The following ZNF536 variants were observed in gnomAD, a reference collection of about 807,000 sequenced individuals.
The protein encoded by ZNF536 is zinc finger protein 536.
In ZNF536, 13 loss-of-function variants were observed where a neutral mutation model predicts 84.5. The observed-to-expected ratio is 0.15, with a 90% CI of 0.10 to 0.24. The LOEUF (loss-of-function observed/expected upper bound fraction) is 0.24, where lower values mean the gene tolerates loss of function less well. Among genes scored for constraint, ZNF536 ranks in the 10% least tolerant of loss-of-function variants. The pLI, the probability that ZNF536 is intolerant of heterozygous loss-of-function variation, is 1.00. For synonymous variants in ZNF536, 811 were observed against 742.5 expected, an observed-to-expected ratio of 1.09 and a Z score of -1.50; for missense variants, 1,536 against 1,747.5, an observed-to-expected ratio of 0.88 and a Z score of 2.16.
At chr19:30,541,198 G>T (rs2045316735) in intron 3 of ZNF536, among the ~76,000 whole-genome samples, 1 of 152,188 alleles carries the variant, frequency 6.6e-6, no homozygotes, top group African/African-American at 2.4e-5. Context: ...GTGCCTTATG[G>T]CTGGTGTCTA....
chr19:30,700,146 C>T (rs1282539908), intron 1 of ZNF536, among the ~76,000 whole-genome samples: 1 of 85,528 alleles, frequency 1.2e-5, no homozygotes, highest in Non-Finnish European at 2.8e-5. Context: ...CCCTTCCTTC[C>T]CTTCTTTCCT....
chr19:30,266,725 C>T (rs927707955), intron 1 of ZNF536, among the ~76,000 whole-genome samples: 3 of 152,208 alleles, frequency 2.0e-5, no homozygotes, highest in Admixed American at 6.5e-5. Flanking sequence ...ATACTCCCAA[C>T]TGTGCCTTTG....
At chr19:30,295,453 T>C (rs755746673) in intron 2 of ZNF536, among the ~76,000 whole-genome samples, 12 of 152,138 alleles carry the variant, frequency 7.9e-5, no homozygotes, top group Non-Finnish European at 1.5e-4. Flanking sequence ...AAAAACAACA[T>C]TGGGCCCCAA....
chr19:30,397,075 G>A (rs1036244087), intron 1 of ZNF536, among the ~76,000 whole-genome samples: 12 of 152,292 alleles, frequency 7.9e-5, no homozygotes, highest in African/African-American at 2.9e-4. Flanking sequence ...ATACTTGTTA[G>A]AACTTGTTAC....
At chr19:30,362,267 T>C (rs577970909) in intron 3 of ZNF536, among the ~76,000 whole-genome samples, 10 of 152,134 alleles carry the variant, frequency 6.6e-5, no homozygotes, top group Non-Finnish European at 1.5e-4. Context: ...AGAGGTGTGC[T>C]AGTCCTCCAG....
At chr19:30,343,072 C>A (rs144599256) in intron 2 of ZNF536, among the ~76,000 whole-genome samples, 184 of 152,244 alleles carry the variant, frequency 1.2e-3, no homozygotes, top group African/African-American at 3.9e-3. Context: ...TTGTCTCCCC[C>A]ACCCTCGGCC....
At chr19:30,467,600 C>T (rs1243199940) in intron 2 of ZNF536, among the ~76,000 whole-genome samples, 1 of 152,150 alleles carries the variant, frequency 6.6e-6, no homozygotes, top group Non-Finnish European at 1.5e-5. Flanking sequence ...TGCCTCCCTT[C>T]CCCTGCACAA....
rs141464596 is a variant in ZNF536, at chr19:30,320,443, C to T, written c.-119-31925C>T. On this transcript the variant is annotated intron_variant, in intron 2 of 5. Transcript: ENST00000585628. ...AGTCTTTCTCAGAGAAACCATGTAA[C>T]GCACTTTCTTTGAGCAAATTAGACT... 1.0e-3 allele frequency among the ~76,000 whole-genome samples: 158 copies of T among 152,264 alleles called. 2 individuals carry two copies. The East Asian group carries it at 0.019, about 19-fold the overall frequency.
intron 1 of ZNF536, among the ~76,000 whole-genome samples, chr19:30,636,706 A>G (rs1257217813): frequency 6.6e-6 from 1 of 152,138 alleles, no homozygotes; most frequent in African/African-American, 2.4e-5. Context: ...AAAGAACCTC[A>G]TTTTGGTCAT....
intron 2 of ZNF536, among the ~76,000 whole-genome samples, chr19:30,299,238 A>G (rs1022021514): frequency 1.3e-5 from 2 of 152,250 alleles, no homozygotes; most frequent in Non-Finnish European, 2.9e-5. Flanking sequence ...TTAAATGGCA[A>G]CAGCTCATTT....
intron 1 of ZNF536, among the ~76,000 whole-genome samples, chr19:30,601,940 G>A (rs1191010566): frequency 6.6e-6 from 1 of 152,174 alleles, no homozygotes; most frequent in East Asian, 1.9e-4. Context: ...TCATGCCTTT[G>A]CCATGTGGCT....
chr19:30,430,778 G>A (rs1051755379), intron 1 of ZNF536, among the ~76,000 whole-genome samples: 7 of 152,138 alleles, frequency 4.6e-5, no homozygotes, highest in African/African-American at 7.2e-5. Context: ...CAGTTCAAGC[G>A]ATTCTCCTGC....
intron 1 of ZNF536, among the ~76,000 whole-genome samples, chr19:30,408,801 C>T (rs778474207): frequency 6.6e-6 from 1 of 150,988 alleles, no homozygotes; most frequent in Non-Finnish European, 1.5e-5. Flanking sequence ...ATCCTTCCAT[C>T]TATTCATCCA....
chr19:30,522,892 G>A (rs1347832246), intron 2 of ZNF536, among the ~76,000 whole-genome samples: 4 of 152,138 alleles, frequency 2.6e-5, no homozygotes, highest in South Asian at 2.1e-4. Flanking sequence ...AACAGCAACC[G>A]TTAGTATCAT....
At chr19:30,702,521 G>A (rs1348978061) in intron 1 of ZNF536, among the ~76,000 whole-genome samples, 1 of 152,178 alleles carries the variant, frequency 6.6e-6, no homozygotes, top group Admixed American at 6.5e-5. Context: ...AAGATAGATG[G>A]GGATTGGGAA....
intron 1 of ZNF536, among the ~76,000 whole-genome samples, chr19:30,414,918 T>C (rs1276318612): frequency 1.3e-5 from 2 of 152,214 alleles, no homozygotes; most frequent in Non-Finnish European, 2.9e-5. Context: ...TTTGAAAATA[T>C]TACCTGACTA....
chr19:30,710,021 A>C (rs911869931), intron 1 of ZNF536, among the ~76,000 whole-genome samples: 1 of 152,232 alleles, frequency 6.6e-6, no homozygotes, highest in Non-Finnish European at 1.5e-5. Context: ...TCCCACATGA[A>C]ATTTATATAA....
intron 1 of ZNF536, among the ~76,000 whole-genome samples, chr19:30,245,420 C>A (rs758664776): frequency 2.0e-5 from 3 of 152,214 alleles, no homozygotes; most frequent in Non-Finnish European, 4.4e-5. Flanking sequence ...CTCCCAGCAC[C>A]CAGAGCAGCG....
intron 1 of ZNF536, among the ~76,000 whole-genome samples, chr19:30,248,105 T>A (rs1433600361): frequency 2.0e-5 from 3 of 152,112 alleles, no homozygotes; most frequent in African/African-American, 7.2e-5. Context: ...TTCAAACCAA[T>A]AGAAAATAGC....
Sources: allele counts gnomAD v4.1 joint callset (sites outside exome capture counted in the v4.1 genomes callset), GRCh38; gene constraint gnomAD v4.1.1; transcripts MANE v1.5; gene names NCBI Gene and HGNC (gene_info 2026-07-23, HGNC 2026-07-21).